The following RAP1A variants were observed in gnomAD, a reference collection of about 807,000 sequenced individuals.
RAP1A encodes the protein ras-related protein Rap-1A.
Under a neutral mutation model 26.4 loss-of-function variants are expected in RAP1A, and 6 were observed. The observed-to-expected ratio is 0.23, with a 90% confidence interval of 0.12 to 0.45. The LOEUF (loss-of-function observed/expected upper bound fraction) is 0.45. Ranked by LOEUF, RAP1A falls within the 20% of genes least tolerant of loss-of-function variation. The probability of loss-of-function intolerance (pLI) is 0.99; values close to 1 mark genes in which losing one functional copy is unlikely to be tolerated. For synonymous variants in RAP1A, 73 were observed against 79.4 expected (o/e 0.92, Z 0.43); for missense variants, 121 against 217.2 (o/e 0.56, Z 2.78).
chr1:111,578,687 C>A (rs748151853), intron 1 of RAP1A, among the ~76,000 whole-genome samples: 6 of 152,086 alleles, frequency 3.9e-5, no homozygotes, highest in Non-Finnish European at 7.4e-5. Context: ...CCCCGTACAC[C>A]AAGCAATTCT....
intron 1 of RAP1A, chr1:111,650,544 A>T (rs1660231806): frequency 6.6e-6 from 1 of 152,078 alleles, no homozygotes; most frequent in Admixed American, 6.6e-5. Context: ...GCATGACTTA[A>T]TTTTTTTAGA....
intron 1 of RAP1A, among the ~76,000 whole-genome samples, chr1:111,623,165 C>A (rs527837366): frequency 2.1e-5 from 3 of 142,914 alleles, no homozygotes; most frequent in Non-Finnish European, 4.5e-5. Flanking sequence ...TAACAGGTAC[C>A]CACCACCACG....
rs71099925 is a variant in RAP1A at position 111,653,683 on chromosome 1, CAAAAAAAAAAA to C, written c.-28+33765_-28+33775del. Among the ~76,000 whole-genome samples the C allele has an allele frequency of 2.6e-4, 17 of 65,698 alleles. 1 individual carries two copies. Among genetic ancestry groups the C allele is most frequent in the Admixed American group, 2.1e-3 (12 of 5,828 alleles). 43.1% of individuals were successfully genotyped at this position (65,698 alleles called of 152,430 possible). A position where few individuals can be genotyped will look rare whatever the true frequency, so the allele number is the denominator to read the frequency against. On this transcript the variant is annotated intron_variant, in intron 1 of 7. Coordinates refer to ENST00000369709, the MANE Select transcript of RAP1A (RefSeq NM_002884.4). ...GGGCTACAAGAGCGAAACTCTGTCT[CAAAAAAAAAAA>C]AAAAAAAAAAAAAAAGGTGGATTTT...
chr1:111,709,167 A>G lies in RAP1A; in HGVS notation c.487A>G (p.Arg163Gly). Residue 163 changes from arginine to glycine, a missense_variant, in exon 7 of 8, where the codon AGA becomes GGA. Arg to Gly is a moderately radical substitution (Grantham distance 125, BLOSUM62 -2). Coordinates refer to ENST00000369709, the MANE Select transcript of RAP1A (RefSeq NM_002884.4). The stretch of plus-strand genomic sequence containing the variant: ...TACTTAGATATTTTATGACCTGGTC[A>G]GACAGATAAATAGGAAAACACCAGT... ...NVNEIFYDLV[R>G]QINRKTPVEK... The G allele has an allele frequency of 6.2e-7, 1 of 1,613,386 alleles. No homozygotes were observed. Among genetic ancestry groups the G allele is most frequent in the Middle Eastern group, 1.7e-4 (1 of 6,056 alleles).
intron 1 of RAP1A, among the ~76,000 whole-genome samples, chr1:111,658,291 C>T (rs1032745338): frequency 3.9e-5 from 6 of 152,142 alleles, no homozygotes; most frequent in Non-Finnish European, 4.4e-5. Context: ...TATCTCCTAG[C>T]TGTGATCACA....
intron 1 of RAP1A, among the ~76,000 whole-genome samples, chr1:111,669,662 A>C (rs1334318089): frequency 3.3e-5 from 5 of 152,236 alleles, no homozygotes; most frequent in Non-Finnish European, 7.3e-5. Flanking sequence ...CTACATCTTA[A>C]CTAATCCAAG....
At chr1:111,567,626 CT>C (rs1345335061) in intron 1 of RAP1A, among the ~76,000 whole-genome samples, 2 of 152,282 alleles carry the variant, frequency 1.3e-5, no homozygotes, top group African/African-American at 4.8e-5. Context: ...GGGTAGGACC[CT>C]GAGCTGATAG....
Position 111,619,906 on chromosome 1 carries a change from G to T in RAP1A, c.-56G>T, listed in dbSNP as rs552456953. 2.5e-6 allele frequency: 1 copy of T among 399,344 alleles called. No homozygotes were observed. The highest frequency in any genetic ancestry group is 1.3e-4 in the South Asian group (1 of 7,902). The allele number at this position is 399,344 out of a possible 1,614,324, so 24.7% of individuals were successfully genotyped here. ...AGGAGGAGGAGGTGGAGGAGGTGGA[G>T]GAGGTGGAGGAGGCGCCGGACCGGG... On this transcript the variant is annotated 5_prime_UTR_variant, in exon 1 of 8. The change creates a new upstream start codon in the 5' untranslated region. Transcript: ENST00000369709.
intron 1 of RAP1A, among the ~76,000 whole-genome samples, chr1:111,610,548 A>G (rs1233329880): frequency 8.7e-6 from 1 of 114,964 alleles, no homozygotes; most frequent in South Asian, 3.1e-4. Flanking sequence ...ACACACACAC[A>G]CACACACACA....
intron 1 of RAP1A, among the ~76,000 whole-genome samples, chr1:111,686,905 A>G (rs779983832): frequency 6.6e-6 from 1 of 150,456 alleles, no homozygotes; most frequent in Non-Finnish European, 1.5e-5. Flanking sequence ...CAGTGTTTCT[A>G]TTTTGAATGC....
exon 1 of RAP1A, chr1:111,542,452 T>TCGAGGGC (rs1446731185): frequency 4.8e-6 from 1 of 208,236 alleles, no homozygotes; most frequent in Non-Finnish European, 1.0e-5. Context: ...AGAGAGCAAG[T>TCGAGGGC]CGAGGGCCGT....
chr1:111,573,794 AT>A (rs1658095322), intron 1 of RAP1A, among the ~76,000 whole-genome samples: 1 of 151,498 alleles, frequency 6.6e-6, no homozygotes, highest in Admixed American at 6.6e-5. Context: ...TCCTTTGCCC[AT>A]TTTTTAATGG....
chr1:111,704,359 T>C lies in RAP1A; in HGVS notation c.341T>C (p.Val114Ala). ...KDTEDVPMIL[V>A]GNKCDLEDER... Reference sequence around the variant, plus strand: ...TTCCCACAGGTTCCAATGATTTTGGTTGGCAATAAATGTGACCTGGAAGAT... The same window carrying C: ...TTCCCACAGGTTCCAATGATTTTGGCTGGCAATAAATGTGACCTGGAAGAT... Residue 114 changes from valine (V) to alanine (A), a missense_variant, in exon 6 of 8, where the codon GTT becomes GCT. By Grantham distance (64) the Val-to-Ala change is moderately conservative. Coordinates refer to ENST00000369709, the MANE Select transcript of RAP1A (RefSeq NM_002884.4). The C allele has an allele frequency of 1.2e-6, 2 of 1,613,874 alleles. No individual in the cohort carries two copies. Among genetic ancestry groups the C allele is most frequent in the East Asian group, 2.2e-5 (1 of 44,870 alleles).
upstream of RAP1A, among the ~76,000 whole-genome samples, chr1:111,618,545 C>G (rs1275131279): frequency 6.6e-6 from 1 of 152,150 alleles, no homozygotes; most frequent in Non-Finnish European, 1.5e-5. Flanking sequence ...TAAAAAGTAT[C>G]TATTTGCTAA....
intron 1 of RAP1A, among the ~76,000 whole-genome samples, chr1:111,665,756 A>G (rs920916618): frequency 2.6e-5 from 4 of 152,178 alleles, no homozygotes; most frequent in South Asian, 2.1e-4. Context: ...AAAGGCACAG[A>G]GTATAGGATA....
At chr1:111,657,386 A>G (rs1310368952) in intron 1 of RAP1A, among the ~76,000 whole-genome samples, 1 of 152,188 alleles carries the variant, frequency 6.6e-6, no homozygotes, top group Non-Finnish European at 1.5e-5. Flanking sequence ...AGATCTCATT[A>G]TGTATATACA....
chr1:111,600,883 G>A (rs1479571962), intron 1 of RAP1A, among the ~76,000 whole-genome samples: 2 of 152,172 alleles, frequency 1.3e-5, no homozygotes, highest in African/African-American at 2.4e-5. Context: ...GGGCTCATAA[G>A]GGAGATCAGG....
In RAP1A at chr1:111,625,077, A is replaced by T; in HGVS notation, c.-28+5143A>T. Among the ~76,000 whole-genome samples, 2 of 152,228 alleles carry T rather than the reference A, an allele frequency of 1.3e-5. 1 individual carries two copies. The highest frequency in any genetic ancestry group is 3.8e-4 in the East Asian group (2 of 5,202). ...ATCATATGTTTTAGTGTCCGAATGT[A>T]TTTAAATTAGGCCATATTTCATAAG... On this transcript the variant is annotated intron_variant, in intron 1 of 7. Coordinates refer to ENST00000369709, the MANE Select transcript of RAP1A (RefSeq NM_002884.4).
intron 1 of RAP1A, among the ~76,000 whole-genome samples, chr1:111,674,359 C>G (rs1423627028): frequency 6.6e-6 from 1 of 151,738 alleles, no homozygotes; most frequent in East Asian, 1.9e-4. Flanking sequence ...ACACAAAACT[C>G]TCCCACCTCA....
Sources: allele counts gnomAD v4.1 joint callset (sites outside exome capture counted in the v4.1 genomes callset), GRCh38; gene constraint gnomAD v4.1.1; transcripts MANE v1.5; gene names NCBI Gene and HGNC (gene_info 2026-07-23, HGNC 2026-07-21).